The following INSC variants were observed in gnomAD, a reference collection of about 807,000 sequenced individuals.
The protein encoded by INSC is INSC spindle orientation adaptor protein, also known as protein inscuteable homolog.
INSC carries 67 observed loss-of-function variants against 58.6 expected under a neutral mutation model. That is an observed-to-expected ratio of 1.14 (90% CI 0.94 to 1.40). The LOEUF is 1.40. Among genes scored for constraint, INSC ranks in the 40% most tolerant of loss-of-function variants. The probability of loss-of-function intolerance (pLI) is 0.00; values close to 1 mark genes in which losing one functional copy is unlikely to be tolerated. For synonymous variants in INSC, 262 were observed against 276.1 expected (o/e 0.95, Z 0.51); for missense variants, 714 against 692.0 (o/e 1.03, Z -0.36).
intron 1 of INSC, among the ~76,000 whole-genome samples, chr11:15,145,466 C>T (rs1187132561): frequency 2.0e-5 from 3 of 152,172 alleles, no homozygotes; most frequent in African/African-American, 7.2e-5. Flanking sequence ...CAAGTCTGCT[C>T]AACAGGATGA....
intron 2 of INSC, among the ~76,000 whole-genome samples, chr11:15,152,695 A>C (rs1389239049): frequency 6.6e-6 from 1 of 152,224 alleles, no homozygotes; most frequent in Non-Finnish European, 1.5e-5. Context: ...TAAAACTTTT[A>C]GACATCTTTA....
At chr11:15,157,509 G>A (rs1416738245) in intron 2 of INSC, among the ~76,000 whole-genome samples, 2 of 152,154 alleles carry the variant, frequency 1.3e-5, no homozygotes, top group East Asian at 1.9e-4. Context: ...AGTTGGAAGG[G>A]GCAGGGGCAG....
intron 7 of INSC, among the ~76,000 whole-genome samples, chr11:15,205,676 A>AG (rs1249849818): frequency 1.3e-5 from 2 of 152,144 alleles, no homozygotes; most frequent in Non-Finnish European, 2.9e-5. Context: ...TGGGTGGTCC[A>AG]GGGGGGATGA....
chr11:15,173,864 C>T (rs1338757850), intron 2 of INSC, among the ~76,000 whole-genome samples: 1 of 152,098 alleles, frequency 6.6e-6, no homozygotes, highest in African/African-American at 2.4e-5. Context: ...GAAAGTCTTG[C>T]TCCTTCTCAT....
intron 7 of INSC, among the ~76,000 whole-genome samples, chr11:15,206,942 C>T (rs1444125104): frequency 6.6e-6 from 1 of 152,116 alleles, no homozygotes; most frequent in Non-Finnish European, 1.5e-5. Flanking sequence ...TTCACATTGC[C>T]CCCAAAGGAC....
chr11:15,218,560 C>CTA (rs1310730787), intron 7 of INSC, among the ~76,000 whole-genome samples: 130 of 151,874 alleles, frequency 8.6e-4, no homozygotes, highest in East Asian at 4.3e-3. Flanking sequence ...CTCTCTCTCT[C>CTA]TCTATATATA....
intron 1 of INSC, among the ~76,000 whole-genome samples, chr11:15,137,105 A>G (rs796104110): frequency 3.9e-5 from 6 of 152,346 alleles, no homozygotes; most frequent in African/African-American, 1.4e-4. Context: ...AACCAGGTGT[A>G]TCATCAATGA....
At chr11:15,134,213 T>C (rs746430925) in intron 1 of INSC, among the ~76,000 whole-genome samples, 95 of 152,308 alleles carry the variant, frequency 6.2e-4, no homozygotes, top group Middle Eastern at 3.4e-3. Flanking sequence ...CCATATTTCA[T>C]TGGATTTAAG....
At chr11:15,236,191 G>A (rs1444909421) in intron 10 of INSC, among the ~76,000 whole-genome samples, 1 of 151,976 alleles carries the variant, frequency 6.6e-6, no homozygotes, top group Non-Finnish European at 1.5e-5. Flanking sequence ...AAATTCTAGT[G>A]GAAGACAGAT....
the INSC span, among the ~76,000 whole-genome samples, chr11:15,252,503 A>G: frequency 6.6e-6 from 1 of 152,206 alleles, no homozygotes; most frequent in African/African-American, 2.4e-5. Flanking sequence ...GGTGCTGGTT[A>G]GTAGTGGGAG....
intron 1 of INSC, among the ~76,000 whole-genome samples, chr11:15,125,055 T>G (rs1847959938): frequency 6.6e-6 from 1 of 152,138 alleles, no homozygotes; most frequent in African/African-American, 2.4e-5. Context: ...GTGAATACCA[T>G]GGAGAAATAC....
rs188240192 is a variant in INSC at position 15,222,916 on chromosome 11, T to A, written c.991+1268T>A. Among the ~76,000 whole-genome samples the A allele has an allele frequency of 2.4e-4, 36 of 152,298 alleles. 1 individual carries two copies. The East Asian group carries it at 6.0e-3, about 25-fold the overall frequency. ...TACAGTTCTAAGCATACTCTCTAGG[T>A]GAAGAAATCTAAGCCTAGAGGGGTT... is the stretch of plus-strand genomic sequence containing the variant. On this transcript the variant is annotated intron_variant, in intron 8 of 12. Transcript: ENST00000379556.
intron 9 of INSC, chr11:15,235,069 C>G (rs778516688): frequency 9.5e-5 from 17 of 179,644 alleles, no homozygotes; most frequent in Non-Finnish European, 2.1e-4. Flanking sequence ...CATGTAATAC[C>G]CAATGCTTGA....
chr11:15,205,832 G>C (rs183286090), intron 7 of INSC, among the ~76,000 whole-genome samples: 17 of 152,222 alleles, frequency 1.1e-4, no homozygotes, highest in Admixed American at 8.5e-4. Flanking sequence ...GGGGATAGCT[G>C]GTCCTTCTGA....
chr11:15,249,815 C>G (rs1273274173), downstream of INSC, among the ~76,000 whole-genome samples: 2 of 152,210 alleles, frequency 1.3e-5, no homozygotes, highest in East Asian at 3.9e-4. Flanking sequence ...ACACTCTGTA[C>G]AAGACAACTA....
At chr11:15,146,317 CT>C (rs1848490162) in intron 1 of INSC, among the ~76,000 whole-genome samples, 1 of 152,230 alleles carries the variant, frequency 6.6e-6, no homozygotes, top group African/African-American at 2.4e-5. Flanking sequence ...TGGGTCAGGA[CT>C]GTTCCTAATC....
intron 9 of INSC, 102 bp from the exon 10 acceptor site, chr11:15,235,500 G>A (rs11023479): frequency 0.054 from 47,093 of 867,208 alleles, 1,573 homozygotes; most frequent in East Asian, 0.11. Context: ...AGGAGTCACG[G>A]GATAAAAGGA....
At chr11:15,219,416 A>G (rs981269175) in intron 7 of INSC, among the ~76,000 whole-genome samples, 1 of 151,948 alleles carries the variant, frequency 6.6e-6, no homozygotes, top group Non-Finnish European at 1.5e-5. Context: ...GATGTGAATC[A>G]CCTCCCCAAC....
chr11:15,178,744 C>CTTT (rs1446852714), intron 5 of INSC, among the ~76,000 whole-genome samples: 11 of 152,152 alleles, frequency 7.2e-5, no homozygotes, highest in Non-Finnish European at 1.5e-4. Flanking sequence ...CCCAGCATCT[C>CTTT]CCAATTCTAC....
Sources: gnomAD v4.1 joint callset for allele counts (sites outside exome capture counted in the v4.1 genomes callset) on GRCh38, gnomAD v4.1.1 for gene constraint, MANE v1.5 for transcripts, NCBI Gene and HGNC (gene_info 2026-07-23, HGNC 2026-07-21) for gene names.